The following LINC00305 variants were observed in gnomAD, a reference collection of about 807,000 sequenced individuals.
The protein encoded by LINC00305 is long independently transcribed non-coding RNA 305, also known as long intergenic non-protein coding RNA 305.
intron 1 of LINC00305, among the ~76,000 whole-genome samples, chr18:64,104,504 T>C (rs2051281506): frequency 6.6e-6 from 1 of 152,228 alleles, no homozygotes; most frequent in Non-Finnish European, 1.5e-5. Flanking sequence ...TTACCATTCT[T>C]GCCTTCACGT....
chr18:64,089,454 C>T (rs2051216765), intron 3 of LINC00305, among the ~76,000 whole-genome samples: 1 of 152,182 alleles, frequency 6.6e-6, no homozygotes, highest in Non-Finnish European at 1.5e-5. Flanking sequence ...TGGACTAATA[C>T]AGAGACAGTG....
At chr18:64,117,747 G>A (rs2144255793) in intron 1 of LINC00305, among the ~76,000 whole-genome samples, 1 of 152,224 alleles carries the variant, frequency 6.6e-6, no homozygotes, top group South Asian at 2.1e-4. Flanking sequence ...ACAACTCTCC[G>A]CCTCTCCAGT....
intron 3 of LINC00305, among the ~76,000 whole-genome samples, chr18:64,096,958 A>G (rs1411804841): frequency 6.6e-6 from 1 of 151,874 alleles, no homozygotes; most frequent in African/African-American, 2.4e-5. Context: ...TAACTATAAT[A>G]AAACTTTAAT....
At chr18:64,148,759 G>C (rs780266496) in intron 1 of LINC00305, 1 of 152,104 alleles carries the variant, frequency 6.6e-6, no homozygotes, top group Non-Finnish European at 1.5e-5. Context: ...TAGGGAGAGA[G>C]TTTTTTTACA....
At chr18:64,130,603 A>G (rs182813055) in intron 1 of LINC00305, among the ~76,000 whole-genome samples, 150 of 152,302 alleles carry the variant, frequency 9.8e-4, no homozygotes, top group Non-Finnish European at 1.7e-3. Flanking sequence ...TACATAATGG[A>G]CTAACTGAAA....
chr18:64,090,616 C>T (rs2051221366), intron 3 of LINC00305, among the ~76,000 whole-genome samples: 2 of 152,102 alleles, frequency 1.3e-5, no homozygotes, highest in Admixed American at 1.3e-4. Flanking sequence ...AATGTGGGGC[C>T]CCTTGCTCAA....
chr18:64,122,671 C>G (rs548074526), intron 1 of LINC00305, among the ~76,000 whole-genome samples: 1 of 152,074 alleles, frequency 6.6e-6, no homozygotes, highest in Admixed American at 6.6e-5. Flanking sequence ...AATTTGGGCT[C>G]TTTTCGTGTT....
intron 1 of LINC00305, among the ~76,000 whole-genome samples, chr18:64,117,244 C>T (rs930702618): frequency 1.3e-5 from 2 of 152,132 alleles, no homozygotes; most frequent in Non-Finnish European, 2.9e-5. Flanking sequence ...AATTATCATC[C>T]CCAAAGCCTT....
At chr18:64,141,052 TAAAAAAAA>T (rs34175314) in intron 1 of LINC00305, among the ~76,000 whole-genome samples, 1 of 96,332 alleles carries the variant, frequency 1.0e-5, no homozygotes, top group Admixed American at 1.3e-4. Flanking sequence ...GCCTGAATGA[TAAAAAAAA>T]AAAAAAAAAA....
intron 3 of LINC00305, among the ~76,000 whole-genome samples, chr18:64,082,132 G>A (rs976326825): frequency 2.6e-5 from 4 of 152,100 alleles, no homozygotes; most frequent in Non-Finnish European, 5.9e-5. Flanking sequence ...TACAGCCAAA[G>A]GTCTCAAGAC....
chr18:64,136,030 C>T (rs10871812), intron 1 of LINC00305, among the ~76,000 whole-genome samples: 20,039 of 152,158 alleles, frequency 0.13, 1,439 homozygotes, highest in African/African-American at 0.17. Context: ...GGCCCAGCTC[C>T]GACCAGGTGC....
chr18:64,144,745 T>G (rs1292791298), intron 1 of LINC00305, among the ~76,000 whole-genome samples: 2 of 152,120 alleles, frequency 1.3e-5, no homozygotes, highest in African/African-American at 2.4e-5. Flanking sequence ...AATACAAAAT[T>G]GCATGCAGGA....
At chr18:64,137,308 T>TTTTTG (rs2144274063) in intron 1 of LINC00305, among the ~76,000 whole-genome samples, 1 of 152,286 alleles carries the variant, frequency 6.6e-6, no homozygotes, top group African/African-American at 2.4e-5. Flanking sequence ...AGCACCTTCG[T>TTTTTG]TTTTGACTTC....
At chr18:64,125,562 T>TC (rs1281938770) in intron 1 of LINC00305, among the ~76,000 whole-genome samples, 1 of 152,166 alleles carries the variant, frequency 6.6e-6, no homozygotes, top group Non-Finnish European at 1.5e-5. Flanking sequence ...TGTCGCAATT[T>TC]TTTTTTACTT....
intron 1 of LINC00305, among the ~76,000 whole-genome samples, chr18:64,140,010 A>G (rs1262839714): frequency 2.0e-5 from 3 of 151,942 alleles, no homozygotes; most frequent in Non-Finnish European, 4.4e-5. Context: ...CTTTAAACAC[A>G]CAAAGACTGC....
At chr18:64,143,599 TG>T (rs1385107530) in intron 1 of LINC00305, among the ~76,000 whole-genome samples, 2 of 92,026 alleles carry the variant, frequency 2.2e-5, no homozygotes, top group Non-Finnish European at 4.7e-5. Flanking sequence ...TGTACACATA[TG>T]TATATGTACA....
chr18:64,121,019 G>T (rs748429389), intron 1 of LINC00305, among the ~76,000 whole-genome samples: 18 of 151,966 alleles, frequency 1.2e-4, no homozygotes, highest in Non-Finnish European at 2.4e-4. Context: ...TACTTTAAAA[G>T]TATATTATAA....
rs570938661 is a variant in LINC00305 at position 64,143,525 on chromosome 18, T to A, written n.314+5250A>T. Among the ~76,000 whole-genome samples the A allele has an allele frequency of 1.5e-4, 22 of 143,634 alleles. No individual in the cohort carries two copies. The East Asian group carries it at 3.0e-3, about 20-fold the overall frequency. 94.2% of individuals were successfully genotyped at this position (143,634 alleles called of 152,430 possible). On this transcript the variant is annotated intron_variant and non_coding_transcript_variant, in intron 1 of 3. Transcript: ENST00000666468. ...TATATGTATACCATCAATATACATA[T>A]TATGTGTACATATATATGTACACAT... is the stretch of plus-strand genomic sequence containing the variant.
At chr18:64,117,469 A>C (rs1407909554) in intron 1 of LINC00305, among the ~76,000 whole-genome samples, 1 of 152,216 alleles carries the variant, frequency 6.6e-6, no homozygotes, top group African/African-American at 2.4e-5. Context: ...GTGGCTTCAA[A>C]ATCCGTGAAT....
Sources: gnomAD v4.1 joint callset for allele counts (sites outside exome capture counted in the v4.1 genomes callset) on GRCh38, gnomAD v4.1.1 for gene constraint, MANE v1.5 for transcripts, NCBI Gene and HGNC (gene_info 2026-07-23, HGNC 2026-07-21) for gene names.